THSD4: variants seen among roughly 807,000 people sequenced by gnomAD.
The protein encoded by THSD4 is thrombospondin type-1 domain-containing protein 4.
THSD4 carries 69 observed loss-of-function variants against 119.0 expected under a neutral mutation model. The ratio of observed to expected loss-of-function variants is 0.58; its 90% CI spans 0.48 to 0.71. THSD4 has a LOEUF of 0.71. THSD4 is among the 30% of genes least tolerant of loss of function. THSD4 has a pLI of 0.00. For synonymous variants in THSD4, 524 were observed against 540.4 expected (o/e 0.97, Z 0.42); for missense variants, 1,393 against 1,391.1 (o/e 1.00, Z -0.02).
In THSD4 at chr15:71,737,821, C is replaced by A. The variant is rs767052532; in HGVS notation, c.1720C>A (p.Arg574Ser). 4.3e-6 allele frequency: 7 copies of A among 1,614,122 alleles called. No individual in the cohort carries two copies. The highest frequency in any genetic ancestry group is 1.7e-5 in the Admixed American group (1 of 60,012). ...KGRNEEKEDL[R>S]GEAPEMFTSE... ...GAGGAACGAGGAGAAGGAAGACTTG[C>A]GTGGGGAGGCCCCTGAGATGTTCAC... Residue 574 changes from arginine to serine, a missense_variant, in exon 11 of 18, where the codon CGT (arginine) becomes AGT (serine). Coordinates refer to ENST00000261862, the MANE Select transcript of THSD4 (RefSeq NM_024817.3).
At chr15:71,718,855 G>A (rs74022406) in intron 8 of THSD4, among the ~76,000 whole-genome samples, 25,785 of 152,086 alleles carry the variant, frequency 0.17, 2,405 homozygotes, top group Middle Eastern at 0.22. Flanking sequence ...TCTGCATCTC[G>A]TGGAAATTTT....
At chr15:71,445,428 C>T (rs1254757452) in intron 7 of THSD4, among the ~76,000 whole-genome samples, 4 of 152,186 alleles carry the variant, frequency 2.6e-5, no homozygotes, top group African/African-American at 7.2e-5. Context: ...ACAAATCCAT[C>T]TATTATTTAA....
At chr15:71,214,520 A>G (rs2043914152) in intron 3 of THSD4, among the ~76,000 whole-genome samples, 1 of 152,198 alleles carries the variant, frequency 6.6e-6, no homozygotes, top group Admixed American at 6.5e-5. Flanking sequence ...GAAGGTCCGC[A>G]GCTTCATTCT....
chr15:71,387,644 A>C (rs545065679), intron 6 of THSD4, among the ~76,000 whole-genome samples: 1 of 152,322 alleles, frequency 6.6e-6, no homozygotes, highest in African/African-American at 2.4e-5. Flanking sequence ...TCATATGAAG[A>C]TACAACTTTC....
chr15:71,206,701 T>C (rs1340333244), intron 3 of THSD4, among the ~76,000 whole-genome samples: 1 of 152,232 alleles, frequency 6.6e-6, no homozygotes, highest in African/African-American at 2.4e-5. Flanking sequence ...AGAGCTGTTC[T>C]GGTTATGAAT....
At chr15:71,608,944 T>C (rs1170433699) in intron 7 of THSD4, among the ~76,000 whole-genome samples, 1 of 152,190 alleles carries the variant, frequency 6.6e-6, no homozygotes, top group Non-Finnish European at 1.5e-5. Flanking sequence ...CTGGTTTGGC[T>C]AACTCAAGAG....
intron 6 of THSD4, among the ~76,000 whole-genome samples, chr15:71,325,136 C>G (rs2045322256): frequency 6.6e-6 from 1 of 152,132 alleles, no homozygotes; most frequent in Non-Finnish European, 1.5e-5. Context: ...ATAATTTGCT[C>G]TGAGTGTATA....
At chr15:71,435,953 C>T (rs1245839777) in intron 7 of THSD4, among the ~76,000 whole-genome samples, 3 of 152,216 alleles carry the variant, frequency 2.0e-5, no homozygotes, top group Non-Finnish European at 4.4e-5. Context: ...TAAAATTTGA[C>T]ATGGCTCAGG....
At chr15:71,245,252 G>T (rs2044190017) in intron 5 of THSD4, among the ~76,000 whole-genome samples, 1 of 152,118 alleles carries the variant, frequency 6.6e-6, no homozygotes, top group Non-Finnish European at 1.5e-5. Context: ...GTCCTCCCCA[G>T]TGCACCCCAC....
chr15:71,428,884 A>G (rs186023610), intron 7 of THSD4, among the ~76,000 whole-genome samples: 35 of 152,290 alleles, frequency 2.3e-4, no homozygotes, highest in Non-Finnish European at 4.3e-4. Flanking sequence ...CGTTTTACAG[A>G]CACTGCTCTT....
intron 8 of THSD4, among the ~76,000 whole-genome samples, chr15:71,684,213 T>C (rs909366891): frequency 6.6e-6 from 1 of 152,204 alleles, no homozygotes; most frequent in Non-Finnish European, 1.5e-5. Context: ...TATGGGTTTT[T>C]TTATATTTAC....
At chr15:71,484,037 C>T (rs974322385) in intron 7 of THSD4, among the ~76,000 whole-genome samples, 9 of 152,216 alleles carry the variant, frequency 5.9e-5, no homozygotes, top group South Asian at 2.1e-4. Context: ...AAAGAGGAAA[C>T]GGCCTTTCAA....
intron 9 of THSD4, chr15:71,730,878 T>C (rs1476223151): frequency 6.2e-6 from 3 of 487,562 alleles, no homozygotes; most frequent in Non-Finnish European, 1.1e-5. Context: ...TTAGAAAATC[T>C]TGACTCTTAG....
chr15:71,270,164 CA>C lies in THSD4; in HGVS notation c.1015+13452del, dbSNP rs551220678. The stretch of plus-strand genomic sequence containing the variant: ...CCAAGACAATCTTAAGCAAAAAGAA[CA>C]AAGCTGGAGGCATCACACTACCTGA... On this transcript the variant is annotated intron_variant, in intron 6 of 17. Transcript: ENST00000261862. Among the ~76,000 whole-genome samples the C allele has an allele frequency of 4.3e-3, 662 of 152,236 alleles. 6 individuals carry two copies. The highest frequency in any genetic ancestry group is 0.014 in the Middle Eastern group (4 of 294).
Position 71,640,901 on chromosome 15 carries a change from C to T in THSD4, c.1153-19629C>T, listed in dbSNP as rs367616760. 5.9e-5 allele frequency among the ~76,000 whole-genome samples: 9 copies of T among 152,130 alleles called. No homozygotes were observed. In the South Asian group the frequency reaches 1.0e-3, roughly 18 times the overall value. ...AAGGACCAGGTCAGTGCTAGGCACA[C>T]GGTCGATGTTTAATTAATCCTTCAT... On this transcript the variant is annotated intron_variant, in intron 7 of 17. Coordinates refer to ENST00000261862, the MANE Select transcript of THSD4 (RefSeq NM_024817.3).
At chr15:71,153,709 G>A (rs560748112) in intron 2 of THSD4, among the ~76,000 whole-genome samples, 38 of 152,206 alleles carry the variant, frequency 2.5e-4, no homozygotes, top group Non-Finnish European at 4.9e-4. Context: ...TTCTTGGTTC[G>A]GGGCAGTGTT....
intron 7 of THSD4, among the ~76,000 whole-genome samples, chr15:71,577,866 G>T (rs1433310852): frequency 3.3e-5 from 5 of 151,196 alleles, no homozygotes; most frequent in African/African-American, 4.9e-5. Flanking sequence ...GATTACTGGC[G>T]CCCACCATGC....
chr15:71,315,665 C>T (rs897697230), intron 6 of THSD4, among the ~76,000 whole-genome samples: 3 of 152,194 alleles, frequency 2.0e-5, no homozygotes, highest in Non-Finnish European at 4.4e-5. Context: ...GGCGGGGAGG[C>T]TTTGTTTGCA....
chr15:71,573,663 A>G (rs2049399227), intron 7 of THSD4, among the ~76,000 whole-genome samples: 1 of 152,192 alleles, frequency 6.6e-6, no homozygotes, highest in Non-Finnish European at 1.5e-5. Flanking sequence ...GGGGAATAGG[A>G]TAATCTAATT....
Sources: allele counts gnomAD v4.1 joint callset (sites outside exome capture counted in the v4.1 genomes callset), GRCh38; gene constraint gnomAD v4.1.1; transcripts MANE v1.5; gene names NCBI Gene and HGNC (gene_info 2026-07-23, HGNC 2026-07-21).